The following UBL3 variants were observed in gnomAD, a reference collection of about 807,000 sequenced individuals.
UBL3 encodes the protein ubiquitin-like protein 3.
Under a neutral mutation model 18.4 loss-of-function variants are expected in UBL3, and 6 were observed. That is an observed-to-expected ratio of 0.33 (90% confidence interval 0.18 to 0.64). The LOEUF (loss-of-function observed/expected upper bound fraction) is 0.64, where lower values mean the gene tolerates loss of function less well. UBL3 is among the 30% of genes least tolerant of loss of function. The pLI, the probability that UBL3 is intolerant of heterozygous loss-of-function variation, is 0.76. For synonymous variants in UBL3, 49 were observed against 46.6 expected (o/e 1.05, Z -0.21); for missense variants, 109 against 142.9 (o/e 0.76, Z 1.21).
chr13:29,842,475 C>T (rs564537710), intron 1 of UBL3, among the ~76,000 whole-genome samples: 1 of 152,148 alleles, frequency 6.6e-6, no homozygotes, highest in East Asian at 1.9e-4. Context: ...TTCTCTTTTA[C>T]TGACACTTGG....
intron 2 of UBL3, among the ~76,000 whole-genome samples, chr13:29,773,994 C>T (rs1336277160): frequency 6.6e-6 from 1 of 151,992 alleles, no homozygotes; most frequent in Non-Finnish European, 1.5e-5. Flanking sequence ...TTATGTGATA[C>T]AATATAGACT....
At chr13:29,826,648 T>C (rs1032917771) in intron 1 of UBL3, among the ~76,000 whole-genome samples, 4 of 152,220 alleles carry the variant, frequency 2.6e-5, no homozygotes, top group South Asian at 2.1e-4. Context: ...TCCTGGATTA[T>C]TGATTTTTTG....
At position 29,850,504 on chromosome 13, in the gene UBL3, T is replaced by G. The variant is rs1443110137; in HGVS notation, c.-966A>C. 6.6e-6 allele frequency: 1 copy of G among 152,574 alleles called. No homozygotes were observed. Among genetic ancestry groups the G allele is most frequent in the Non-Finnish European group, 1.5e-5 (1 of 68,384 alleles). 9.5% of individuals were successfully genotyped at this position (152,574 alleles called of 1,614,324 possible). Reference sequence around the variant, plus strand: ...GGAATGGTTTCCTCTCAGAGCTTTGTTTCTCCTCCTCCTCCTTCACTTTTC... The same window carrying G: ...GGAATGGTTTCCTCTCAGAGCTTTGGTTCTCCTCCTCCTCCTTCACTTTTC... On this transcript the variant is annotated 5_prime_UTR_variant, in exon 1 of 5. Coordinates refer to ENST00000380680, the MANE Select transcript of UBL3 (RefSeq NM_007106.4).
intron 1 of UBL3, among the ~76,000 whole-genome samples, chr13:29,841,744 C>A (rs2139368882): frequency 6.6e-6 from 1 of 151,986 alleles, no homozygotes; most frequent in East Asian, 1.9e-4. Flanking sequence ...CCACCAGACC[C>A]AAACTCCTAT....
intron 1 of UBL3, among the ~76,000 whole-genome samples, chr13:29,809,234 C>A (rs764019385): frequency 3.9e-5 from 6 of 151,958 alleles, no homozygotes; most frequent in Admixed American, 3.9e-4. Context: ...AATAGGGAAC[C>A]TGGGGAGAGG....
At position 29,766,173 on chromosome 13, in the gene UBL3, T is replaced by G. The variant is rs1289542087; in HGVS notation, c.*1082A>C. 6.6e-6 allele frequency: 1 copy of G among 152,594 alleles called. No homozygotes were observed. The highest frequency in any genetic ancestry group is 2.4e-5 in the African/African-American group (1 of 41,448). 9.5% of individuals were successfully genotyped at this position (152,594 alleles called of 1,614,324 possible). A position where few individuals can be genotyped will look rare whatever the true frequency, so the allele number is the denominator to read the frequency against. On this transcript the variant is annotated 3_prime_UTR_variant, in exon 5 of 5. Transcript: ENST00000380680. ...TTTTAGCATATCAATCTTTAAATTATTGGTATGAAATAAAAGAAAAAGTGG... is the reference window on the plus strand; with the variant it reads ...TTTTAGCATATCAATCTTTAAATTAGTGGTATGAAATAAAAGAAAAAGTGG...
intron 1 of UBL3, among the ~76,000 whole-genome samples, chr13:29,797,599 T>C (rs372886954): frequency 1.3e-5 from 2 of 152,156 alleles, no homozygotes; most frequent in Non-Finnish European, 2.9e-5. Context: ...ATTACCTACA[T>C]GCATTTGGGA....
intron 1 of UBL3, among the ~76,000 whole-genome samples, chr13:29,824,349 T>A (rs569644426): frequency 1.6e-4 from 25 of 152,330 alleles, no homozygotes; most frequent in African/African-American, 6.0e-4. Context: ...TTCCTATTTC[T>A]CCACATCCTC....
intron 1 of UBL3, among the ~76,000 whole-genome samples, chr13:29,820,142 A>G (rs1333992200): frequency 1.3e-5 from 2 of 150,158 alleles, no homozygotes; most frequent in East Asian, 3.9e-4. Flanking sequence ...CAGAAATTAG[A>G]ATCCCACTGA....
At chr13:29,799,642 G>A (rs1038533296) in intron 1 of UBL3, among the ~76,000 whole-genome samples, 2 of 152,078 alleles carry the variant, frequency 1.3e-5, no homozygotes, top group African/African-American at 4.8e-5. Context: ...GACTGGATGT[G>A]CACAATTGCT....
chr13:29,778,960 C>A (rs1487588206), intron 1 of UBL3, among the ~76,000 whole-genome samples: 1 of 152,054 alleles, frequency 6.6e-6, no homozygotes, highest in Non-Finnish European at 1.5e-5. Context: ...AGGTGAAAAA[C>A]CCTTTCAATA....
In UBL3 at chr13:29,849,582, C is replaced by G. The variant is rs1555235632; in HGVS notation, c.-44G>C. Reference sequence around the variant, plus strand: ...CCCAGATGTTTACGAAAAAAACAAACAAAGAAAAAAGAGCAGAAGTCTTCA... The same window carrying G: ...CCCAGATGTTTACGAAAAAAACAAAGAAAGAAAAAAGAGCAGAAGTCTTCA... On this transcript the variant is annotated 5_prime_UTR_variant, in exon 1 of 5. Transcript: ENST00000380680. 1.9e-6 allele frequency: 3 copies of G among 1,611,152 alleles called. No individual in the cohort carries two copies. The highest frequency in any genetic ancestry group is 1.3e-5 in the African/African-American group (1 of 74,848).
Position 29,767,176 on chromosome 13 carries a change from C to T in UBL3, c.*79G>A. On this transcript the variant is annotated 3_prime_UTR_variant, in exon 5 of 5. Coordinates refer to ENST00000380680, the MANE Select transcript of UBL3 (RefSeq NM_007106.4). The stretch of plus-strand genomic sequence containing the variant: ...ACAGGCAGACTGTTCTGAACGGTTT[C>T]TGAAGCAATGTCGGGTCTTTTCTGT... The T allele has an allele frequency of 6.5e-7, 1 of 1,537,904 alleles. No individual in the cohort carries two copies. Among genetic ancestry groups the T allele is most frequent in the Non-Finnish European group, 9.0e-7 (1 of 1,117,290 alleles).
At chr13:29,848,825 A>T (rs1435843966) in intron 1 of UBL3, among the ~76,000 whole-genome samples, 1 of 152,240 alleles carries the variant, frequency 6.6e-6, no homozygotes, top group African/African-American at 2.4e-5. Context: ...ACACTCAGTG[A>T]TCGAGGCTCA....
intron 1 of UBL3, among the ~76,000 whole-genome samples, chr13:29,843,542 T>C (rs1281902015): frequency 1.3e-5 from 2 of 152,188 alleles, no homozygotes; most frequent in African/African-American, 4.8e-5. Flanking sequence ...ACATGTCACT[T>C]ACTAACTTAC....
chr13:29,844,986 A>T (rs1879196836), intron 1 of UBL3, among the ~76,000 whole-genome samples: 1 of 152,152 alleles, frequency 6.6e-6, no homozygotes, highest in Admixed American at 6.5e-5. Context: ...TTGTGAGTCA[A>T]GAAAGTCACT....
chr13:29,790,474 T>C (rs2139323822), intron 1 of UBL3, among the ~76,000 whole-genome samples: 1 of 152,320 alleles, frequency 6.6e-6, no homozygotes, highest in East Asian at 1.9e-4. Flanking sequence ...CTCTGTAACA[T>C]TCCACACAAT....
At chr13:29,807,735 T>TA (rs952963344) in intron 1 of UBL3, among the ~76,000 whole-genome samples, 1 of 151,436 alleles carries the variant, frequency 6.6e-6, no homozygotes, top group Non-Finnish European at 1.5e-5. Context: ...TCTGAAAAAA[T>TA]AAAAAAAGGA....
At chr13:29,831,818 C>CAAACAAAA in intron 1 of UBL3, among the ~76,000 whole-genome samples, 1 of 151,884 alleles carries the variant, frequency 6.6e-6, no homozygotes, top group Non-Finnish European at 1.5e-5. Flanking sequence ...CAAAAACAAA[C>CAAACAAAA]AAACAAAAAA....
Sources: gnomAD v4.1 joint callset for allele counts (sites outside exome capture counted in the v4.1 genomes callset) on GRCh38, gnomAD v4.1.1 for gene constraint, MANE v1.5 for transcripts, NCBI Gene and HGNC (gene_info 2026-07-23, HGNC 2026-07-21) for gene names.